Variants in GNAI3 observed in about 807,000 individuals in gnomAD.
GNAI3 encodes the protein guanine nucleotide-binding protein G(i) subunit alpha-3.
In GNAI3, 12 loss-of-function variants were observed where a neutral mutation model predicts 41.8. That is an observed-to-expected ratio of 0.29 (90% CI 0.18 to 0.47). The LOEUF (loss-of-function observed/expected upper bound fraction) is 0.47. Among genes scored for constraint, GNAI3 ranks in the 20% least tolerant of loss-of-function variants. The pLI is 1.00. For missense variants in GNAI3, 360 were observed against 429.6 expected, an observed-to-expected ratio of 0.84 and a Z score of 1.43; for synonymous variants, 132 against 146.5, an observed-to-expected ratio of 0.90 and a Z score of 0.71.
At chr1:109,583,381 T>A (rs1648944025) in intron 5 of GNAI3, among the ~76,000 whole-genome samples, 1 of 152,050 alleles carries the variant, frequency 6.6e-6, no homozygotes, top group Admixed American at 6.5e-5. Context: ...GGCTAATGTT[T>A]TAAAAAAATT....
At chr1:109,579,893 G>A (rs538806401) in intron 4 of GNAI3, among the ~76,000 whole-genome samples, 1 of 152,314 alleles carries the variant, frequency 6.6e-6, no homozygotes, top group South Asian at 2.1e-4. Flanking sequence ...ATTATCTTGA[G>A]TGTTAATATA....
intron 7 of GNAI3, among the ~76,000 whole-genome samples, chr1:109,590,764 C>T (rs765769102): frequency 9.9e-5 from 15 of 152,022 alleles, no homozygotes; most frequent in Admixed American, 2.6e-4. Context: ...TGTGGTTTCA[C>T]TAAGTTAGCC....
chr1:109,588,546 A>G (rs770109843), intron 7 of GNAI3, among the ~76,000 whole-genome samples: 5 of 152,170 alleles, frequency 3.3e-5, no homozygotes, highest in Non-Finnish European at 7.3e-5. Flanking sequence ...GATCAGAATC[A>G]GGTATTTCCA....
At chr1:109,586,053 C>G (rs1035224619) in intron 5 of GNAI3, among the ~76,000 whole-genome samples, 163 bp from the exon 6 acceptor site, 1 of 152,134 alleles carries the variant, frequency 6.6e-6, no homozygotes, top group African/African-American at 2.4e-5. Flanking sequence ...TTGTCTTGTA[C>G]TTTTAGCCAG....
chr1:109,581,339 A>G (rs577599542), intron 4 of GNAI3, among the ~76,000 whole-genome samples: 13 of 151,944 alleles, frequency 8.6e-5, no homozygotes, highest in African/African-American at 2.9e-4. Context: ...AACGGAAAAT[A>G]TTCTTACTCA....
chr1:109,576,050 T>G (rs1252172564), intron 3 of GNAI3, among the ~76,000 whole-genome samples: 1 of 152,120 alleles, frequency 6.6e-6, no homozygotes, highest in Admixed American at 6.5e-5. Context: ...AGCTCCTCTC[T>G]TATTGTCTTC....
chr1:109,584,417 T>C (rs760688146), intron 5 of GNAI3, among the ~76,000 whole-genome samples: 31 of 152,240 alleles, frequency 2.0e-4, no homozygotes, highest in Non-Finnish European at 2.4e-4. Context: ...TAATTAAAAG[T>C]TGTGATCATT....
At position 109,579,360 on chromosome 1, in the gene GNAI3, TAGTA is replaced by T; in HGVS notation, c.461+5_461+8del. 1 of 1,607,532 alleles carries T rather than the reference TAGTA, an allele frequency of 6.2e-7. No homozygotes were observed. The highest frequency in any genetic ancestry group is 8.5e-7 in the Non-Finnish European group (1 of 1,176,008). On this transcript the variant is annotated splice_donor_variant and splice_donor_region_variant and coding_sequence_variant and intron_variant, in exon 4 of 9. Coordinates refer to ENST00000369851, the MANE Select transcript of GNAI3 (RefSeq NM_006496.4). LOFTEE classifies it high-confidence loss of function. ...ATATCAGCTCAATGATTCTGCTTCA[TAGTA>T]AGTAATTTTTCTCTGTGAAACTATA...
rs1649194137 is a variant in GNAI3 at position 109,592,340 on chromosome 1, T to C, written c.*23-5T>C. On this transcript the variant is annotated splice_region_variant and splice_polypyrimidine_tract_variant and intron_variant, in intron 8 of 8. Transcript: ENST00000369851. The stretch of plus-strand genomic sequence containing the variant: ...TTTCTAATTAAGAATATTCTTCTCT[T>C]CTAGTTACTACAGTGTGGAGTGTTG... The C allele has an allele frequency of 1.4e-6, 1 of 717,234 alleles. No individual in the cohort carries two copies. Among genetic ancestry groups the C allele is most frequent in the African/African-American group, 1.8e-5 (1 of 56,170 alleles). 44.4% of individuals were successfully genotyped at this position (717,234 alleles called of 1,614,324 possible). A position where few individuals can be genotyped will look rare whatever the true frequency, so the allele number is the denominator to read the frequency against.
At chr1:109,590,373 C>T (rs1394869252) in intron 7 of GNAI3, among the ~76,000 whole-genome samples, 1 of 152,142 alleles carries the variant, frequency 6.6e-6, no homozygotes, top group African/African-American at 2.4e-5. Context: ...GCCTATCCTC[C>T]ATTGTCTTCA....
rs538563777 is a variant in GNAI3 at position 109,594,045 on chromosome 1, G to T, written c.*1723G>T. The T allele has an allele frequency of 6.6e-6, 1 of 152,622 alleles. No individual in the cohort carries two copies. Among genetic ancestry groups the T allele is most frequent in the African/African-American group, 2.4e-5 (1 of 41,504 alleles). The allele number at this position is 152,622 out of a possible 1,614,324, so 9.5% of individuals were successfully genotyped here. Reference sequence around the variant, plus strand: ...TTAACTTTTTTTGTGATTCTTTTTGGAAAATCATAGCTTACAGATGGTATA... The same window carrying T: ...TTAACTTTTTTTGTGATTCTTTTTGTAAAATCATAGCTTACAGATGGTATA... On this transcript the variant is annotated 3_prime_UTR_variant, in exon 9 of 9. Transcript: ENST00000369851.
At chr1:109,565,411 G>A (rs781728710) in intron 1 of GNAI3, among the ~76,000 whole-genome samples, 2 of 152,172 alleles carry the variant, frequency 1.3e-5, no homozygotes, top group Non-Finnish European at 2.9e-5. Context: ...AGAAGGGAGT[G>A]AGGCTAGTGA....
intron 3 of GNAI3, among the ~76,000 whole-genome samples, chr1:109,575,538 T>C (rs1047699144): frequency 7.7e-6 from 1 of 129,684 alleles, no homozygotes; most frequent in African/African-American, 2.9e-5. Context: ...TCATTTCTTT[T>C]TTTTTTTTTT....
rs920543733 is a variant in GNAI3 at position 109,595,853 on chromosome 1, C to T, written c.*3531C>T. On this transcript the variant is annotated 3_prime_UTR_variant, in exon 9 of 9. Coordinates refer to ENST00000369851, the MANE Select transcript of GNAI3 (RefSeq NM_006496.4). ...TTCAAAAAAAAAAAAATAAGCAACC[C>T]TCTACTCATTTGTATAAACCTAAAA... 5.9e-5 allele frequency: 9 copies of T among 151,920 alleles called. No homozygotes were observed. Among genetic ancestry groups the T allele is most frequent in the Non-Finnish European group, 8.8e-5 (6 of 67,996 alleles). 9.4% of individuals were successfully genotyped at this position (151,920 alleles called of 1,614,324 possible).
chr1:109,563,617 G>T (rs964459819), intron 1 of GNAI3, among the ~76,000 whole-genome samples: 1 of 152,076 alleles, frequency 6.6e-6, no homozygotes, highest in African/African-American at 2.4e-5. Context: ...TAAAATGCTT[G>T]TTAACTTTCT....
chr1:109,548,664 C>A lies in GNAI3; in HGVS notation c.-57C>A. The A allele has an allele frequency of 7.9e-7, 1 of 1,257,990 alleles. No individual in the cohort carries two copies. Among genetic ancestry groups the A allele is most frequent in the Non-Finnish European group, 1.2e-6 (1 of 862,162 alleles). The allele number at this position is 1,257,990 out of a possible 1,614,324, so 77.9% of individuals were successfully genotyped here. A position where few individuals can be genotyped will look rare whatever the true frequency, so the allele number is the denominator to read the frequency against. On this transcript the variant is annotated 5_prime_UTR_variant, in exon 1 of 9. Transcript: ENST00000369851. ...ATAGACGGTGCCTCAGCCTGCCGAG[C>A]CGCAGTTTCCGTGGTGTGAGTGAGT... is the stretch of plus-strand genomic sequence containing the variant.
At chr1:109,549,537 A>G (rs1557900325) in intron 1 of GNAI3, among the ~76,000 whole-genome samples, 1 of 152,220 alleles carries the variant, frequency 6.6e-6, no homozygotes, top group Non-Finnish European at 1.5e-5. Context: ...CTGTTTTTAC[A>G]AAAGGATGGG....
chr1:109,586,951 T>C, intron 7 of GNAI3, 69 bp downstream of exon 7: 1 of 1,028,216 alleles, frequency 9.7e-7, no homozygotes, highest in Non-Finnish European at 1.5e-6. Context: ...GTGGCATTCA[T>C]AAAACTGCCT....
chr1:109,586,911 G>C (rs1649045365), intron 7 of GNAI3, 29 bp downstream of exon 7: 7 of 1,480,014 alleles, frequency 4.7e-6, no homozygotes, highest in Non-Finnish European at 6.6e-6. Context: ...TTTTATTGGA[G>C]GTACACATCT....
Sources: allele counts gnomAD v4.1 joint callset (sites outside exome capture counted in the v4.1 genomes callset), GRCh38; gene constraint gnomAD v4.1.1; transcripts MANE v1.5; gene names NCBI Gene and HGNC (gene_info 2026-07-23, HGNC 2026-07-21).